Variants in NYAP2 observed in about 807,000 individuals in gnomAD.
NYAP2 encodes the protein neuronal tyrosine-phosphorylated phosphoinositide-3-kinase adapter 2.
NYAP2 carries 23 observed loss-of-function variants against 50.4 expected under a neutral mutation model. The ratio of observed to expected loss-of-function variants is 0.46; its 90% CI spans 0.33 to 0.65. The LOEUF (loss-of-function observed/expected upper bound fraction) is 0.65, where lower values mean the gene tolerates loss of function less well. NYAP2 is among the 30% of genes least tolerant of loss of function. NYAP2 has a pLI of 0.02. For missense variants in NYAP2, 885 were observed against 861.0 expected, an observed-to-expected ratio of 1.03 and a Z score of -0.35; for synonymous variants, 394 against 365.2, an observed-to-expected ratio of 1.08 and a Z score of -0.90.
chr2:225,499,538 G>A (rs956153278), intron 3 of NYAP2, among the ~76,000 whole-genome samples: 3 of 151,826 alleles, frequency 2.0e-5, no homozygotes, highest in Admixed American at 2.0e-4. Flanking sequence ...GGATGGTCTC[G>A]ATCTCCTGAC....
At chr2:225,450,873 C>T (rs1439918084) in intron 3 of NYAP2, among the ~76,000 whole-genome samples, 1 of 152,190 alleles carries the variant, frequency 6.6e-6, no homozygotes, top group Non-Finnish European at 1.5e-5. Context: ...CCTTGTCATT[C>T]TCACACCAAT....
At chr2:225,613,902 C>T (rs764555750) in intron 5 of NYAP2, among the ~76,000 whole-genome samples, 43 of 152,158 alleles carry the variant, frequency 2.8e-4, no homozygotes, top group Non-Finnish European at 5.0e-4. Context: ...ATAAAAAGAA[C>T]GTAGACACTC....
exon 7 of NYAP2, chr2:225,651,748 A>T: frequency 1.5e-6 from 1 of 665,630 alleles, no homozygotes; most frequent in South Asian, 2.1e-5. Context: ...TGGTGGTGAA[A>T]CTTTCTTTGC....
the NYAP2 span, among the ~76,000 whole-genome samples, chr2:225,694,463 C>G: frequency 1.9e-3 from 282 of 151,920 alleles, no homozygotes; most frequent in African/African-American, 6.5e-3. Context: ...TGACATCTTA[C>G]TATCAACAAA....
At chr2:225,547,248 A>T (rs910017850) in intron 4 of NYAP2, among the ~76,000 whole-genome samples, 3 of 152,154 alleles carry the variant, frequency 2.0e-5, no homozygotes, top group African/African-American at 7.2e-5. Flanking sequence ...CTGAAGGGTG[A>T]GTCCCAGGCC....
At chr2:225,467,748 A>G (rs1468137431) in intron 3 of NYAP2, among the ~76,000 whole-genome samples, 1 of 152,200 alleles carries the variant, frequency 6.6e-6, no homozygotes, top group African/African-American at 2.4e-5. Context: ...ACACTTCCTT[A>G]GAGGAGCAGT....
chr2:225,550,092 G>C (rs920842956), intron 4 of NYAP2, among the ~76,000 whole-genome samples: 2 of 152,008 alleles, frequency 1.3e-5, no homozygotes, highest in African/African-American at 4.8e-5. Flanking sequence ...AGCCAAGAAA[G>C]GAAATGGAGA....
chr2:225,509,161 A>C (rs1287279293), intron 3 of NYAP2, among the ~76,000 whole-genome samples: 1 of 152,130 alleles, frequency 6.6e-6, no homozygotes, highest in Non-Finnish European at 1.5e-5. Context: ...TCAGTGGCTT[A>C]CTTGGTGGAG....
intron 3 of NYAP2, among the ~76,000 whole-genome samples, chr2:225,423,936 A>G (rs1035499494): frequency 1.4e-4 from 21 of 152,176 alleles, no homozygotes; most frequent in African/African-American, 5.1e-4. Context: ...AGTGATGGAA[A>G]TATATGATCT....
chr2:225,531,836 G>A (rs370975895), intron 4 of NYAP2, among the ~76,000 whole-genome samples: 38 of 152,114 alleles, frequency 2.5e-4, no homozygotes, highest in Admixed American at 4.6e-4. Context: ...TGGCTCTTTC[G>A]GTTTGTAAAA....
At chr2:225,454,870 C>T (rs1401681643) in intron 3 of NYAP2, among the ~76,000 whole-genome samples, 1 of 151,902 alleles carries the variant, frequency 6.6e-6, no homozygotes, top group Non-Finnish European at 1.5e-5. Context: ...TAGCAAGGGG[C>T]GATTAAGATT....
chr2:225,606,870 G>T (rs749366126), intron 5 of NYAP2, among the ~76,000 whole-genome samples: 2 of 151,996 alleles, frequency 1.3e-5, no homozygotes, highest in Non-Finnish European at 2.9e-5. Flanking sequence ...CTAGAGCTTG[G>T]CATCATTTCT....
At chr2:225,671,836 T>C in the NYAP2 span, among the ~76,000 whole-genome samples, 1 of 152,170 alleles carries the variant, frequency 6.6e-6, no homozygotes, top group South Asian at 2.1e-4. Flanking sequence ...AATCTCCTTG[T>C]ACATCTCCAT....
chr2:225,434,388 T>C (rs1181179430), intron 3 of NYAP2, among the ~76,000 whole-genome samples: 2 of 152,202 alleles, frequency 1.3e-5, no homozygotes, highest in East Asian at 3.8e-4. Flanking sequence ...AATTTCAGTA[T>C]TGGGGGACAA....
At chr2:225,435,279 G>A (rs1242124905) in intron 3 of NYAP2, among the ~76,000 whole-genome samples, 1 of 152,058 alleles carries the variant, frequency 6.6e-6, no homozygotes, top group Non-Finnish European at 1.5e-5. Flanking sequence ...GAATACATAA[G>A]GCAGTAAAGA....
chr2:225,602,688 T>G (rs928362160), intron 5 of NYAP2, among the ~76,000 whole-genome samples: 3 of 152,220 alleles, frequency 2.0e-5, no homozygotes, highest in African/African-American at 7.2e-5. Context: ...CATATGGATA[T>G]TCAGTTTTCC....
At position 225,512,291 on chromosome 2, in the gene NYAP2, A is replaced by G. The variant is rs114679004; in HGVS notation, c.222-1080A>G. Among the ~76,000 whole-genome samples the G allele has an allele frequency of 6.5e-3, 986 of 152,330 alleles. 8 individuals are homozygous for G. Among genetic ancestry groups the G allele is most frequent in the African/African-American group, 0.022 (931 of 41,574 alleles). On this transcript the variant is annotated intron_variant, in intron 3 of 6. Coordinates refer to ENST00000636099, the Ensembl canonical transcript of NYAP2. ...TGCATACACTGAATATTTATGAAGT[A>G]TTAGAATCATCTCAGGATCAAACGA...
intron 4 of NYAP2, among the ~76,000 whole-genome samples, chr2:225,525,205 G>A (rs187218660): frequency 2.3e-4 from 35 of 152,260 alleles, no homozygotes; most frequent in Admixed American, 3.9e-4. Context: ...TAGAACTGCC[G>A]TTTGATGCTG....
At chr2:225,490,345 T>C (rs2106170599) in intron 3 of NYAP2, among the ~76,000 whole-genome samples, 1 of 152,278 alleles carries the variant, frequency 6.6e-6, no homozygotes, top group Admixed American at 6.5e-5. Flanking sequence ...TTGACTCCTT[T>C]AGCAGCAACA....
Sources: allele counts gnomAD v4.1 joint callset (sites outside exome capture counted in the v4.1 genomes callset), GRCh38; gene constraint gnomAD v4.1.1; transcripts MANE v1.5; gene names NCBI Gene and HGNC (gene_info 2026-07-23, HGNC 2026-07-21).